Variants in PDE4D observed in about 807,000 individuals in gnomAD.
PDE4D encodes phosphodiesterase 4D.
Under a neutral mutation model 87.4 loss-of-function variants are expected in PDE4D, and 24 were observed. The ratio of observed to expected loss-of-function variants is 0.27; its 90% CI spans 0.20 to 0.39. PDE4D has a LOEUF of 0.39. Ranked by LOEUF, PDE4D falls within the 10% of genes least tolerant of loss-of-function variation. The pLI is 1.00. For synonymous variants in PDE4D, 384 were observed against 383.2 expected, an observed-to-expected ratio of 1.00 and a Z score of -0.02; for missense variants, 714 against 1,041.0, an observed-to-expected ratio of 0.69 and a Z score of 4.32.
rs1290303900 is a variant in PDE4D at position 59,053,646 on chromosome 5, T to TTTTTTG, written c.809-14676_809-14675insCAAAAA. ...ATGAATTAAGTTGTTTTGTTTTTTG[T>TTTTTTG]TTTTTTTTGTTGTTGTTTTTTTTTT... On this transcript the variant is annotated intron_variant, in intron 5 of 14. Coordinates refer to ENST00000340635, the MANE Select transcript of PDE4D (RefSeq NM_001104631.2). 1.2e-4 allele frequency among the ~76,000 whole-genome samples: 12 copies of TTTTTTG among 98,668 alleles called. 1 individual carries two copies. The highest frequency in any genetic ancestry group is 1.3e-4 in the African/African-American group (3 of 23,370). The allele number at this position is 98,668 out of a possible 152,430, so 64.7% of individuals were successfully genotyped here.
At chr5:59,259,690 A>C (rs1469726059) in intron 1 of PDE4D, among the ~76,000 whole-genome samples, 2 of 151,886 alleles carry the variant, frequency 1.3e-5, no homozygotes, top group African/African-American at 2.4e-5. Context: ...CTTTCTCTTG[A>C]GGATGCCAGA....
chr5:60,025,332 A>G (rs988203811), intron 2 of PDE4D, among the ~76,000 whole-genome samples: 1 of 152,188 alleles, frequency 6.6e-6, no homozygotes, highest in African/African-American at 2.4e-5. Context: ...TGAATCAAAG[A>G]CATTATGCCC....
intron 1 of PDE4D, among the ~76,000 whole-genome samples, chr5:59,294,390 CAAATGG>C (rs1768644702): frequency 6.6e-6 from 1 of 152,128 alleles, no homozygotes; most frequent in Non-Finnish European, 1.5e-5. Flanking sequence ...TTCTGCATCT[CAAATGG>C]TGACATAATG....
intron 1 of PDE4D, among the ~76,000 whole-genome samples, chr5:60,511,003 A>G (rs777632043): frequency 9.2e-5 from 14 of 152,036 alleles, no homozygotes; most frequent in Non-Finnish European, 1.8e-4. Context: ...ACAGTCTTGC[A>G]CTGTCGCCCA....
intron 1 of PDE4D, among the ~76,000 whole-genome samples, chr5:59,711,080 C>A (rs1561520487): frequency 6.6e-6 from 1 of 152,114 alleles, no homozygotes; most frequent in South Asian, 2.1e-4. Context: ...ATAGGACCTG[C>A]AGAGGAAAAG....
chr5:59,678,552 A>G (rs1297714370), intron 1 of PDE4D, among the ~76,000 whole-genome samples: 1 of 151,928 alleles, frequency 6.6e-6, no homozygotes, highest in African/African-American at 2.4e-5. Context: ...TGCAACCTCT[A>G]CCTCTGGGGT....
intron 2 of PDE4D, among the ~76,000 whole-genome samples, chr5:59,199,660 C>G (rs1202632612): frequency 6.6e-6 from 1 of 152,022 alleles, no homozygotes; most frequent in African/African-American, 2.4e-5. Context: ...CAAGTATGTT[C>G]TAATTTTAAA....
At chr5:60,047,249 C>T (rs1582361319) in intron 2 of PDE4D, among the ~76,000 whole-genome samples, 3 of 151,906 alleles carry the variant, frequency 2.0e-5, no homozygotes, top group Admixed American at 2.0e-4. Flanking sequence ...CTATTTGATT[C>T]TTCTCTCTTT....
chr5:59,609,399 C>CACACACACACACACAT (rs1291122998), intron 1 of PDE4D, among the ~76,000 whole-genome samples: 60 of 151,238 alleles, frequency 4.0e-4, no homozygotes, highest in East Asian at 1.4e-3. Flanking sequence ...CACACACACA[C>CACACACACACACACAT]ATATATATAT....
chr5:59,536,957 T>C (rs1005255321), intron 1 of PDE4D, among the ~76,000 whole-genome samples: 1 of 152,172 alleles, frequency 6.6e-6, no homozygotes, highest in Non-Finnish European at 1.5e-5. Flanking sequence ...TATGCTACAA[T>C]ACGACCCACC....
At chr5:60,447,505 A>G (rs1745737538) in intron 1 of PDE4D, among the ~76,000 whole-genome samples, 1 of 152,174 alleles carries the variant, frequency 6.6e-6, no homozygotes, top group African/African-American at 2.4e-5. Flanking sequence ...CTGTGTTGAA[A>G]GCAACTGAAT....
rs1283508562 is a variant in PDE4D, at chr5:60,331,985, C to T, written c.-89-146298G>A. ...AGTCCAAGGTCTTGAGGTGCTTGTT[C>T]ATTGTTCTGTGCATCTCACTCTAGC... is the stretch of plus-strand genomic sequence containing the variant. On this transcript the variant is annotated intron_variant, in intron 1 of 16. Coordinates refer to the PDE4D transcript ENST00000502484. 3.9e-5 allele frequency among the ~76,000 whole-genome samples: 6 copies of T among 152,246 alleles called. No individual in the cohort carries two copies. The South Asian group carries it at 1.0e-3, about 26-fold the overall frequency.
chr5:59,558,482 A>G (rs1561203162), intron 1 of PDE4D: 2 of 152,324 alleles, frequency 1.3e-5, no homozygotes, highest in East Asian at 1.9e-4. Flanking sequence ...AGTATTTTCT[A>G]TATATAAGAC....
At chr5:59,381,852 T>TC (rs1264774709) in intron 1 of PDE4D, among the ~76,000 whole-genome samples, 1 of 152,168 alleles carries the variant, frequency 6.6e-6, no homozygotes, top group East Asian at 1.9e-4. Flanking sequence ...ACAGCCATTT[T>TC]TTTTATTCAA....
intron 1 of PDE4D, among the ~76,000 whole-genome samples, chr5:59,484,093 C>T (rs547089797): frequency 1.8e-4 from 28 of 152,272 alleles, no homozygotes; most frequent in African/African-American, 6.7e-4. Flanking sequence ...CCCAGCTCCT[C>T]TGGTTATGTT....
rs190672786 is a variant in PDE4D at position 59,655,544 on chromosome 5, T to G, written c.455+237624A>C. Among the ~76,000 whole-genome samples the G allele has an allele frequency of 3.9e-5, 6 of 152,306 alleles. No individual in the cohort carries two copies. The East Asian group carries it at 1.2e-3, about 29-fold the overall frequency. On this transcript the variant is annotated intron_variant, in intron 1 of 14. Coordinates refer to ENST00000340635, the MANE Select transcript of PDE4D (RefSeq NM_001104631.2). ...ATCAGTAACTCCAACCTGAACATAT[T>G]CACTTCACCCTTAGAGCAGTCATTT... is the stretch of plus-strand genomic sequence containing the variant.
intron 1 of PDE4D, among the ~76,000 whole-genome samples, chr5:60,427,247 G>A (rs1275762654): frequency 6.6e-6 from 1 of 152,072 alleles, no homozygotes; most frequent in African/African-American, 2.4e-5. Flanking sequence ...ACCACACCCA[G>A]GCACATTGTA....
At chr5:59,371,320 G>A (rs1783899444) in intron 1 of PDE4D, among the ~76,000 whole-genome samples, 1 of 152,134 alleles carries the variant, frequency 6.6e-6, no homozygotes, top group African/African-American at 2.4e-5. Context: ...AATAATAAAA[G>A]CAGAATTAAT....
At chr5:59,525,894 A>G (rs1156368539) in intron 1 of PDE4D, among the ~76,000 whole-genome samples, 1 of 152,078 alleles carries the variant, frequency 6.6e-6, no homozygotes, top group Non-Finnish European at 1.5e-5. Flanking sequence ...CATGATTTTA[A>G]GTTTCCTGAA....
Sources: allele counts gnomAD v4.1 joint callset (sites outside exome capture counted in the v4.1 genomes callset), GRCh38; gene constraint gnomAD v4.1.1; transcripts MANE v1.5; gene names NCBI Gene and HGNC (gene_info 2026-07-23, HGNC 2026-07-21).